TNRC6B: variants seen among roughly 807,000 people sequenced by gnomAD.
The protein encoded by TNRC6B is trinucleotide repeat-containing gene 6B protein.
A neutral mutation model predicts 203.6 loss-of-function variants in TNRC6B; 52 were observed. That is an observed-to-expected ratio of 0.26 (90% CI 0.20 to 0.32). The LOEUF is 0.32. TNRC6B is among the 10% of genes least tolerant of loss of function. The pLI is 1.00. For synonymous variants in TNRC6B, 838 were observed against 845.7 expected, an observed-to-expected ratio of 0.99 and a Z score of 0.16; for missense variants, 1,923 against 2,286.2, an observed-to-expected ratio of 0.84 and a Z score of 3.24.
intron 1 of TNRC6B, among the ~76,000 whole-genome samples, chr22:40,054,550 A>AC (rs1569244734): frequency 2.0e-5 from 3 of 152,148 alleles, no homozygotes; most frequent in African/African-American, 7.2e-5. Flanking sequence ...ACATTAGAAG[A>AC]TATCAATTGT....
chr22:40,218,770 G>T (rs2069670309), intron 1 of TNRC6B, among the ~76,000 whole-genome samples: 1 of 152,236 alleles, frequency 6.6e-6, no homozygotes, highest in Non-Finnish European at 1.5e-5. Context: ...GAAGGTGACA[G>T]ATTACAGTTG....
intron 15 of TNRC6B, among the ~76,000 whole-genome samples, chr22:40,301,687 C>G (rs1387453448): frequency 6.6e-6 from 1 of 152,144 alleles, no homozygotes; most frequent in African/African-American, 2.4e-5. Context: ...CTGGGTAATA[C>G]TCCATTGTGC....
intron 12 of TNRC6B, among the ~76,000 whole-genome samples, chr22:40,298,363 A>G (rs2070973998): frequency 6.6e-6 from 1 of 152,152 alleles, no homozygotes; most frequent in Non-Finnish European, 1.5e-5. Context: ...GTGTTAGACT[A>G]CTCTAGAAAA....
At chr22:40,295,474 CAAAA>C (rs5845457) in intron 12 of TNRC6B, among the ~76,000 whole-genome samples, 5 of 98,976 alleles carry the variant, frequency 5.1e-5, no homozygotes, top group Non-Finnish European at 4.0e-5. Context: ...ACTCCATTTC[CAAAA>C]AAAAAAAAAA....
chr22:40,315,219 G>C (rs2071242060), intron 19 of TNRC6B, 64 bp from the exon 20 acceptor site: 1 of 1,306,074 alleles, frequency 7.7e-7, no homozygotes, highest in Non-Finnish European at 1.1e-6. Flanking sequence ...TAAAACTCAT[G>C]TGTATTTGTC....
chr22:40,308,873 T>A (rs1325613098), intron 16 of TNRC6B, among the ~76,000 whole-genome samples: 1 of 152,180 alleles, frequency 6.6e-6, no homozygotes, highest in East Asian at 1.9e-4. Flanking sequence ...TGATTGAGGG[T>A]GGTAGCAGTG....
chr22:40,149,679 CAAAAAAAAAAAAA>C (rs58482182), intron 3 of TNRC6B, among the ~76,000 whole-genome samples: 2 of 84,844 alleles, frequency 2.4e-5, no homozygotes, highest in African/African-American at 8.7e-5. Context: ...CCTCCCCCGC[CAAAAAAAAAAAAA>C]AAAAAAAAAA....
chr22:40,253,463 A>G (rs144653314), intron 3 of TNRC6B: 36 of 437,188 alleles, frequency 8.2e-5, no homozygotes, highest in African/African-American at 7.0e-4. Context: ...TCTTTCCTCT[A>G]CCAGTCTTAA....
chr22:40,285,609 T>G (rs1209832172), intron 11 of TNRC6B, 36 bp from the exon 12 acceptor site: 1 of 1,595,076 alleles, frequency 6.3e-7, no homozygotes. Flanking sequence ...TTTCTTATGT[T>G]AACAAAAAGC....
intron 1 of TNRC6B, among the ~76,000 whole-genome samples, chr22:40,197,538 C>T (rs780026270): frequency 1.3e-5 from 2 of 151,838 alleles, no homozygotes; most frequent in African/African-American, 2.4e-5. Flanking sequence ...CTACCCCCCT[C>T]GGCCTCCCAA....
intron 4 of TNRC6B, among the ~76,000 whole-genome samples, chr22:40,158,537 C>T (rs2068839900): frequency 6.6e-6 from 1 of 152,122 alleles, no homozygotes; most frequent in Admixed American, 6.6e-5. Context: ...CCTGAATCAG[C>T]TTATTTAGGT....
rs569640680 is a variant in TNRC6B at position 40,172,396 on chromosome 22, T to C, written c.113+16214T>C. 4.6e-5 allele frequency among the ~76,000 whole-genome samples: 7 copies of C among 152,364 alleles called. No homozygotes were observed. In the South Asian group the frequency reaches 1.4e-3, roughly 32 times the overall value. The stretch of plus-strand genomic sequence containing the variant: ...CCCTAGCACTTAGCACAGAGTCTGA[T>C]AGGGAAAGTACTTAGTACATATTTA... On this transcript the variant is annotated intron_variant, in intron 4 of 23. Transcript: ENST00000301923.
At chr22:40,129,649 TAAAGAG>T (rs1406426745) in intron 3 of TNRC6B, among the ~76,000 whole-genome samples, 5 of 152,074 alleles carry the variant, frequency 3.3e-5, no homozygotes, top group African/African-American at 9.7e-5. Flanking sequence ...AAGAACTAAT[TAAAGAG>T]AAAGGATATG....
rs2071384035 is a variant in TNRC6B, at chr22:40,324,877, A to G, written c.*1636A>G. On this transcript the variant is annotated 3_prime_UTR_variant, in exon 23 of 23. Transcript: ENST00000454349. Reference sequence around the variant, plus strand: ...TATTTAAATACTTTTTTTTTTTTTTAAGCATCAATGTAGTAGTACTCTGGG... The same window carrying G: ...TATTTAAATACTTTTTTTTTTTTTTGAGCATCAATGTAGTAGTACTCTGGG... 2 of 146,596 alleles carry G rather than the reference A, an allele frequency of 1.4e-5. No individual in the cohort carries two copies. The highest frequency in any genetic ancestry group is 3.0e-5 in the Non-Finnish European group (2 of 66,488). 9.1% of individuals were successfully genotyped at this position (146,596 alleles called of 1,614,324 possible).
intron 1 of TNRC6B, among the ~76,000 whole-genome samples, chr22:40,233,975 A>G (rs1472700815): frequency 6.6e-6 from 1 of 152,182 alleles, no homozygotes; most frequent in African/African-American, 2.4e-5. Flanking sequence ...GCTACGCTAC[A>G]CGAGTTGTTT....
intron 3 of TNRC6B, among the ~76,000 whole-genome samples, chr22:40,154,877 A>ATG (rs2068804495): frequency 1.8e-5 from 1 of 56,272 alleles, no homozygotes. Flanking sequence ...ATATATATAT[A>ATG]TATATATATA....
At chr22:40,275,174 CG>C (rs555133417) in intron 7 of TNRC6B, among the ~76,000 whole-genome samples, 136 of 152,252 alleles carry the variant, frequency 8.9e-4, no homozygotes, top group African/African-American at 3.2e-3. Flanking sequence ...CAGTCACTTA[CG>C]GGTTTTCTTC....
At chr22:40,095,035 C>T (rs767444883) in intron 1 of TNRC6B, among the ~76,000 whole-genome samples, 2 of 152,258 alleles carry the variant, frequency 1.3e-5, no homozygotes, top group Non-Finnish European at 2.9e-5. Context: ...ATTATTGAAG[C>T]TGCTAGCTAG....
At chr22:40,111,390 A>C (rs564290439) in intron 1 of TNRC6B, among the ~76,000 whole-genome samples, 9 of 152,176 alleles carry the variant, frequency 5.9e-5, no homozygotes, top group Non-Finnish European at 8.8e-5. Context: ...AAGGATTTCT[A>C]CTTTTTAAAG....
Sources: gnomAD v4.1 joint callset for allele counts (sites outside exome capture counted in the v4.1 genomes callset) on GRCh38, gnomAD v4.1.1 for gene constraint, MANE v1.5 for transcripts, NCBI Gene and HGNC (gene_info 2026-07-23, HGNC 2026-07-21) for gene names.